The following DRG1 variants were observed in gnomAD, a reference collection of about 807,000 sequenced individuals.
DRG1 encodes the protein developmentally-regulated GTP-binding protein 1.
DRG1 carries 19 observed loss-of-function variants against 38.8 expected under a neutral mutation model. That is an observed-to-expected ratio of 0.49 (90% CI 0.34 to 0.72). The LOEUF (loss-of-function observed/expected upper bound fraction) is 0.72. Ranked by LOEUF, DRG1 falls within the 30% of genes least tolerant of loss-of-function variation. The pLI, the probability that DRG1 is intolerant of heterozygous loss-of-function variation, is 0.01. For missense variants in DRG1, 299 were observed against 444.8 expected, an observed-to-expected ratio of 0.67 and a Z score of 2.95; for synonymous variants, 167 against 157.5, an observed-to-expected ratio of 1.06 and a Z score of -0.45.
chr22:31,400,743 G>T lies in DRG1; in HGVS notation c.166G>T (p.Gly56Cys). ...KGGGGGGPGEGFDVAKTGDAR... is the reference protein window; with the variant it reads ...KGGGGGGPGECFDVAKTGDAR... ...TGGTGGTGGTGGAGGTCCAGGAGAA[G>T]GTTTGTGTTCTTCTTCAATATATAT... Residue 56 changes from glycine to cysteine, a missense_variant and splice_region_variant, in exon 2 of 9, where the codon GGT becomes TGT. Coordinates refer to ENST00000331457, the MANE Select transcript of DRG1 (RefSeq NM_004147.4). 1 of 1,611,252 alleles carries T rather than the reference G, an allele frequency of 6.2e-7. No homozygotes were observed. Among genetic ancestry groups the T allele is most frequent in the South Asian group, 1.1e-5 (1 of 90,976 alleles).
At chr22:31,421,152 G>C (rs917785943) in intron 5 of DRG1, among the ~76,000 whole-genome samples, 1 of 151,944 alleles carries the variant, frequency 6.6e-6, no homozygotes, top group African/African-American at 2.4e-5. Flanking sequence ...TCATTCTGTT[G>C]CTTAGGCTGG....
At chr22:31,404,998 C>G (rs538241322) in intron 3 of DRG1, among the ~76,000 whole-genome samples, 2 of 152,074 alleles carry the variant, frequency 1.3e-5, no homozygotes, top group Non-Finnish European at 2.9e-5. Flanking sequence ...AAAGCATTGA[C>G]TTTTTATTGA....
intron 3 of DRG1, among the ~76,000 whole-genome samples, chr22:31,405,308 C>T (rs1414325314): frequency 6.6e-6 from 1 of 151,944 alleles, no homozygotes; most frequent in Admixed American, 6.6e-5. Context: ...GCTGGGACTA[C>T]ATGCGCATGC....
At chr22:31,408,868 T>C (rs749793369) in intron 3 of DRG1, among the ~76,000 whole-genome samples, 1 of 152,122 alleles carries the variant, frequency 6.6e-6, no homozygotes, top group Non-Finnish European at 1.5e-5. Context: ...CCCTTGGTAT[T>C]TTTAGATTTT....
chr22:31,417,987 CAAAA>C (rs955142490), intron 4 of DRG1, among the ~76,000 whole-genome samples: 5 of 98,600 alleles, frequency 5.1e-5, no homozygotes, highest in African/African-American at 1.9e-4. Flanking sequence ...AACTCCATCT[CAAAA>C]AAAAAAAAAA....
At chr22:31,412,759 G>A (rs542012061) in intron 4 of DRG1, among the ~76,000 whole-genome samples, 33 of 149,214 alleles carry the variant, frequency 2.2e-4, no homozygotes, top group African/African-American at 7.4e-4. Context: ...GTGGGATCTC[G>A]GCTCACTGGA....
At chr22:31,402,505 C>CTT (rs66506650) in intron 2 of DRG1, among the ~76,000 whole-genome samples, 1,292 of 104,676 alleles carry the variant, frequency 0.012, 73 homozygotes, top group Non-Finnish European at 0.017. Context: ...TGGGCTGTAC[C>CTT]TTTTTTTTTT....
At chr22:31,403,637 C>T (rs950621679) in intron 3 of DRG1, among the ~76,000 whole-genome samples, 8 of 152,126 alleles carry the variant, frequency 5.3e-5, no homozygotes, top group African/African-American at 1.4e-4. Context: ...TGAGCACCAC[C>T]ATGCCGGGCT....
Position 31,420,355 on chromosome 22 carries a change from G to T in DRG1, c.512G>T (p.Arg171Leu), listed in dbSNP as rs1411976102. The T allele has an allele frequency of 1.2e-6, 2 of 1,614,132 alleles. No homozygotes were observed. The highest frequency in any genetic ancestry group is 2.2e-5 in the South Asian group (2 of 91,080). ...IENELEGFGIRLNSKPPNIGF... is the reference protein window; with the variant it reads ...IENELEGFGILLNSKPPNIGF... ...AATGAGCTGGAAGGCTTTGGCATTC[G>T]CTTGAACAGCAAACCCCCCAACATT... The change falls in exon 5 of 9, where the codon CGC becomes CTC. Residue 171 changes from arginine to leucine, a missense_variant. Around this residue, in one of 3 missense-constraint regions of DRG1, gnomAD observed 198 missense variants for 268.1 expected, o/e 0.74. Coordinates refer to ENST00000331457, the MANE Select transcript of DRG1 (RefSeq NM_004147.4).
chr22:31,400,007 C>G (rs986510457), intron 1 of DRG1, among the ~76,000 whole-genome samples: 3 of 152,174 alleles, frequency 2.0e-5, no homozygotes, highest in Admixed American at 2.0e-4. Flanking sequence ...TCCGTTCCCC[C>G]TCCCAGTGTT....
At chr22:31,421,212 C>T (rs2050074831) in intron 5 of DRG1, 4 of 151,580 alleles carry the variant, frequency 2.6e-5, no homozygotes, top group Non-Finnish European at 5.9e-5. Context: ...CTCTTGGGCT[C>T]AAGTGACCCT....
In DRG1 at chr22:31,400,748, G is replaced by T; in HGVS notation, c.166+5G>T. On this transcript the variant is annotated splice_donor_5th_base_variant and intron_variant, in intron 2 of 8. Coordinates refer to ENST00000331457, the MANE Select transcript of DRG1 (RefSeq NM_004147.4). ...GTGGTGGAGGTCCAGGAGAAGGTTT[G>T]TGTTCTTCTTCAATATATATATTTT... 6.2e-7 allele frequency: 1 copy of T among 1,610,222 alleles called. No homozygotes were observed.
intron 2 of DRG1, among the ~76,000 whole-genome samples, chr22:31,402,079 A>G (rs995291040): frequency 6.6e-6 from 1 of 152,110 alleles, no homozygotes; most frequent in African/African-American, 2.4e-5. Flanking sequence ...ACAAAACCAA[A>G]GTAGATTTAT....
rs1324415590 is a variant in DRG1 at position 31,423,298 on chromosome 22, G to C, written c.601G>C (p.Asp201His). ...CTTTCAGTGCCCCCAGAGTGAGCTG[G>C]ATGCTGAAACTGTGAAGAGCATTCT... ...LTATCPQSELDAETVKSILAE... is the reference protein window; with the variant it reads ...LTATCPQSELHAETVKSILAE... Residue 201 changes from aspartate to histidine, a missense_variant, in exon 6 of 9, where the codon GAT (aspartate) becomes CAT (histidine). Around this residue, in one of 3 missense-constraint regions of DRG1, gnomAD observed 198 missense variants for 268.1 expected, o/e 0.74. Transcript: ENST00000331457. 1 of 1,614,038 alleles carries C rather than the reference G, an allele frequency of 6.2e-7. No homozygotes were observed. Among genetic ancestry groups the C allele is most frequent in the East Asian group, 2.2e-5 (1 of 44,872 alleles).
intron 4 of DRG1, among the ~76,000 whole-genome samples, chr22:31,418,427 C>A (rs1405127344): frequency 6.6e-6 from 1 of 152,150 alleles, no homozygotes; most frequent in Non-Finnish European, 1.5e-5. Flanking sequence ...GACTGCACTC[C>A]AGCCTGAGTG....
At chr22:31,430,010 C>G (rs1187285986) in intron 8 of DRG1, among the ~76,000 whole-genome samples, 2 of 152,134 alleles carry the variant, frequency 1.3e-5, no homozygotes, top group African/African-American at 2.4e-5. Flanking sequence ...AGTGATCCTT[C>G]CATCTCTGCC....
chr22:31,420,565 C>A, intron 5 of DRG1, 140 bp downstream of exon 5: 3 of 1,078,018 alleles, frequency 2.8e-6, no homozygotes, highest in Non-Finnish European at 2.6e-6. Context: ...TTTATAATGA[C>A]TGACAAGAAA....
rs1206262672 is a variant in DRG1 at position 31,434,447 on chromosome 22, C to CG, written c.*477dup. The CG allele has an allele frequency of 2.6e-5, 4 of 155,400 alleles. No homozygotes were observed. The highest frequency in any genetic ancestry group is 1.3e-4 in the Admixed American group (2 of 15,558). 9.6% of individuals were successfully genotyped at this position (155,400 alleles called of 1,614,324 possible). A position where few individuals can be genotyped will look rare whatever the true frequency, so the allele number is the denominator to read the frequency against. ...TTATGTAAGTTAATTGATCACTCCC[C>CG]GCAAGGCTAACCTATTTTGGGAGAT... On this transcript the variant is annotated 3_prime_UTR_variant, in exon 9 of 9. Coordinates refer to ENST00000331457, the MANE Select transcript of DRG1 (RefSeq NM_004147.4).
At chr22:31,402,518 T>TTG (rs2049968568) in intron 2 of DRG1, among the ~76,000 whole-genome samples, 1 of 148,742 alleles carries the variant, frequency 6.7e-6, no homozygotes, top group Admixed American at 6.7e-5. Context: ...TTTTTTTTTT[T>TTG]TTTTTTTCGA....
Sources: allele counts gnomAD v4.1 joint callset (sites outside exome capture counted in the v4.1 genomes callset), GRCh38; gene constraint gnomAD v4.1.1; regional missense constraint gnomAD v4.1.1; transcripts MANE v1.5; gene names NCBI Gene and HGNC (gene_info 2026-07-23, HGNC 2026-07-21).